Variants in EDARADD observed in about 807,000 individuals in gnomAD.
The protein encoded by EDARADD is ectodysplasin-A receptor-associated adapter protein.
EDARADD carries 20 observed loss-of-function variants against 25.6 expected under a neutral mutation model. The observed-to-expected ratio is 0.78, with a 90% CI of 0.55 to 1.14. The LOEUF is 1.14. Among genes scored for constraint, EDARADD ranks in the 50% most tolerant of loss-of-function variants. EDARADD has a pLI of 0.00. For missense variants in EDARADD, 225 were observed against 270.1 expected, an observed-to-expected ratio of 0.83 and a Z score of 1.17; for synonymous variants, 86 against 94.4, an observed-to-expected ratio of 0.91 and a Z score of 0.52.
intron 2 of EDARADD, 66 bp from the exon 3 acceptor site, chr1:236,414,194 C>T (rs1657574438): frequency 7.2e-7 from 1 of 1,396,590 alleles, no homozygotes; most frequent in African/African-American, 1.4e-5. Flanking sequence ...CAAGACAAAG[C>T]TTTCTTTTCA....
chr1:236,374,422 C>T (rs1667202424), intron 3 of EDARADD, among the ~76,000 whole-genome samples: 1 of 152,046 alleles, frequency 6.6e-6, no homozygotes, highest in African/African-American at 2.4e-5. Flanking sequence ...GTATGCATCA[C>T]CATGCCTGGC....
chr1:236,381,800 G>GGTTTTT (rs1558105353), intron 3 of EDARADD, among the ~76,000 whole-genome samples: 4 of 16,938 alleles, frequency 2.4e-4, no homozygotes, highest in South Asian at 2.2e-3. Flanking sequence ...TCCTGTGGTT[G>GGTTTTT]CTTTTTTTTT....
At chr1:236,360,370 A>G (rs1180900261) in intron 3 of EDARADD, among the ~76,000 whole-genome samples, 1 of 151,930 alleles carries the variant, frequency 6.6e-6, no homozygotes, top group Non-Finnish European at 1.5e-5. Flanking sequence ...TTAGGAGACT[A>G]GAAGGAGAAA....
chr1:236,484,514 C>A lies in EDARADD; in HGVS notation c.*1865C>A, dbSNP rs1021996511. On this transcript the variant is annotated 3_prime_UTR_variant, in exon 6 of 6. Coordinates refer to ENST00000334232, the MANE Select transcript of EDARADD (RefSeq NM_145861.4). The surrounding 1 kb of genome is among the most constrained non-coding windows in gnomAD (Gnocchi z 4.1). ...TTCAGTCACCTGGTGGCTAATTAGA[C>A]CCCTCCCCTTGTGTCAACTCCGGCA... 2.0e-6 allele frequency: 3 copies of A among 1,502,678 alleles called. No homozygotes were observed. The highest frequency in any genetic ancestry group is 1.7e-5 in the Admixed American group (1 of 59,080). 93.1% of individuals were successfully genotyped at this position (1,502,678 alleles called of 1,614,324 possible). A position where few individuals can be genotyped will look rare whatever the true frequency, so the allele number is the denominator to read the frequency against.
At chr1:236,447,772 T>C (rs1199760182) in intron 4 of EDARADD, among the ~76,000 whole-genome samples, 3 of 152,186 alleles carry the variant, frequency 2.0e-5, no homozygotes, top group African/African-American at 7.2e-5. Flanking sequence ...TACCCATCTA[T>C]GATCTGCTTA....
At chr1:236,470,170 G>A (rs1411428761) in intron 5 of EDARADD, among the ~76,000 whole-genome samples, 5 of 152,054 alleles carry the variant, frequency 3.3e-5, no homozygotes, top group East Asian at 1.9e-4. Context: ...CTGCCCCTCC[G>A]CATTTAATCT....
At position 236,484,389 on chromosome 1, in the gene EDARADD, C is replaced by A; in HGVS notation, c.*1740C>A. 6.2e-7 allele frequency: 1 copy of A among 1,604,862 alleles called. No homozygotes were observed. On this transcript the variant is annotated 3_prime_UTR_variant, in exon 6 of 6. Coordinates refer to ENST00000334232, the MANE Select transcript of EDARADD (RefSeq NM_145861.4). The surrounding 1 kb of genome is among the most constrained non-coding windows in gnomAD (Gnocchi z 4.1). The stretch of plus-strand genomic sequence containing the variant: ...ATCTGAGCGCTTGGCCAAGTACAAC[C>A]AGCTCCTCAGAATTGAAGAGGAGCT...
At chr1:236,368,767 T>C (rs531969652) in intron 3 of EDARADD, among the ~76,000 whole-genome samples, 1 of 152,340 alleles carries the variant, frequency 6.6e-6, no homozygotes, top group East Asian at 1.9e-4. Flanking sequence ...ACAACACTTT[T>C]ACCTCTTGTT....
At chr1:236,372,826 T>A (rs1667186875) in intron 3 of EDARADD, among the ~76,000 whole-genome samples, 1 of 152,136 alleles carries the variant, frequency 6.6e-6, no homozygotes, top group Non-Finnish European at 1.5e-5. Context: ...TTCATCTAGG[T>A]TATTAAATTT....
At chr1:236,443,439 G>A (rs1056073556) in intron 4 of EDARADD, among the ~76,000 whole-genome samples, 1 of 152,170 alleles carries the variant, frequency 6.6e-6, no homozygotes, top group Admixed American at 6.5e-5. Context: ...ATTCATGAGA[G>A]GAGATCAAAA....
chr1:236,396,257 A>G (rs1390452294), intron 1 of EDARADD, among the ~76,000 whole-genome samples: 1 of 152,064 alleles, frequency 6.6e-6, no homozygotes, highest in African/African-American at 2.4e-5. Context: ...GTGTGTTGGT[A>G]CCCGAGGTCG....
intron 3 of EDARADD, among the ~76,000 whole-genome samples, chr1:236,375,524 C>T (rs1667215278): frequency 6.6e-6 from 1 of 151,822 alleles, no homozygotes; most frequent in Admixed American, 6.6e-5. Flanking sequence ...GGTGTGGTGG[C>T]TCATGCCTGT....
intron 4 of EDARADD, among the ~76,000 whole-genome samples, chr1:236,454,343 C>T (rs568694998): frequency 5.6e-4 from 85 of 152,314 alleles, no homozygotes; most frequent in African/African-American, 1.9e-3. Flanking sequence ...CCACCGTGCC[C>T]GGCCTAGAGT....
chr1:236,410,641 TG>T (rs1326915376), intron 2 of EDARADD, among the ~76,000 whole-genome samples: 1 of 152,206 alleles, frequency 6.6e-6, no homozygotes, highest in Non-Finnish European at 1.5e-5. Context: ...GCGTGTGTGA[TG>T]GGCATATTGT....
chr1:236,395,510 C>G lies in EDARADD; in HGVS notation c.61+1005C>G. ...AGGAGGGCAGGGGCGCGCAGAGCCA[C>G]GGTTTGCTCCAGGCGCGTCGGAACC... On this transcript the variant is annotated intron_variant, in intron 1 of 5. Transcript: ENST00000334232. This position sits in a 1 kb window ranked among gnomAD's most constrained non-coding sequence, Gnocchi z 6.9. The G allele has an allele frequency of 8.5e-6, 13 of 1,530,052 alleles. No individual in the cohort carries two copies. The highest frequency in any genetic ancestry group is 1.1e-5 in the Non-Finnish European group (13 of 1,142,890). 94.8% of individuals were successfully genotyped at this position (1,530,052 alleles called of 1,614,324 possible).
At chr1:236,471,487 A>T (rs1162341891) in intron 5 of EDARADD, among the ~76,000 whole-genome samples, 1 of 151,864 alleles carries the variant, frequency 6.6e-6, no homozygotes, top group Non-Finnish European at 1.5e-5. Flanking sequence ...AAAAAAAAGC[A>T]TGATTATACC....
chr1:236,393,096 A>G (rs1667447407), upstream of EDARADD, among the ~76,000 whole-genome samples: 1 of 152,190 alleles, frequency 6.6e-6, no homozygotes, highest in African/African-American at 2.4e-5. Context: ...GTATTTTCAC[A>G]TAAACATTAT....
rs1034498186 is a variant in EDARADD, at chr1:236,398,124, T to G, written c.61+3619T>G. On this transcript the variant is annotated intron_variant, in intron 1 of 5. Coordinates refer to ENST00000334232, the MANE Select transcript of EDARADD (RefSeq NM_145861.4). This position sits in a 1 kb window ranked among gnomAD's most constrained non-coding sequence, Gnocchi z 4.1. ...TGCCAGGGCCATCTTTTATTTTATT[T>G]TTATTATTATTATTTTTCAAGATGG... Among the ~76,000 whole-genome samples the G allele has an allele frequency of 5.3e-5, 8 of 152,086 alleles. No individual in the cohort carries two copies.
At chr1:236,441,161 T>TA (rs951833507) in intron 4 of EDARADD, among the ~76,000 whole-genome samples, 107 of 151,442 alleles carry the variant, frequency 7.1e-4, no homozygotes, top group African/African-American at 2.3e-3. Context: ...ATACTTATCT[T>TA]ATTGCTGATA....
Sources: gnomAD v4.1 joint callset for allele counts (sites outside exome capture counted in the v4.1 genomes callset) on GRCh38, gnomAD v4.1.1 for gene constraint, Gnocchi (gnomAD v3.1) non-coding constraint, MANE v1.5 for transcripts, NCBI Gene and HGNC (gene_info 2026-07-23, HGNC 2026-07-21) for gene names.